OTOG: variants seen among roughly 807,000 people sequenced by gnomAD.
OTOG encodes the protein otogelin.
Under a neutral mutation model 313.8 loss-of-function variants are expected in OTOG, and 296 were observed. That is an observed-to-expected ratio of 0.94 (90% CI 0.86 to 1.04). The LOEUF is 1.04. Ranked by LOEUF, OTOG falls within the 50% of genes least tolerant of loss-of-function variation. OTOG has a pLI of 0.00. For synonymous variants in OTOG, 1,533 were observed against 1,554.9 expected, an observed-to-expected ratio of 0.99 and a Z score of 0.33; for missense variants, 3,948 against 3,840.1, an observed-to-expected ratio of 1.03 and a Z score of -0.74.
Position 17,557,283 on chromosome 11 carries a change from C to A in OTOG, c.825C>A (p.Asn275Lys). 6.5e-7 allele frequency: 1 copy of A among 1,550,362 alleles called. No homozygotes were observed. Among genetic ancestry groups the A allele is most frequent in the Non-Finnish European group, 8.7e-7 (1 of 1,146,940 alleles). ...LLGWTHGLCG[N>K]NNADPKDDLV... ...GCTGGACCCATGGGCTGTGTGGGAA[C>A]AACAATGCTGACCCCAAGGATGATC... The change falls in exon 8 of 56, where the codon AAC (asparagine) becomes AAA (lysine). Residue 275 changes from asparagine to lysine, a missense_variant. Asn to Lys is a moderately conservative substitution (Grantham distance 94). Coordinates refer to ENST00000399397, the MANE Select transcript of OTOG (RefSeq NM_001292063.2).
chr11:17,551,722 A>G (rs1851936692), intron 3 of OTOG, among the ~76,000 whole-genome samples: 1 of 151,864 alleles, frequency 6.6e-6, no homozygotes, highest in African/African-American at 2.4e-5. Context: ...CATGGAGGGG[A>G]GGGGCTGTGT....
chr11:17,573,360 T>C, intron 19 of OTOG, 70 bp downstream of exon 19: 1 of 1,427,558 alleles, frequency 7.0e-7, no homozygotes, highest in African/African-American at 1.4e-5. Context: ...CCCCTGCCCC[T>C]GAAAGTCTCC....
rs1319111806 is a variant in OTOG at position 17,586,549 on chromosome 11, T to TG, written c.2839dup (p.Asp947GlyfsTer40). On this transcript the variant is annotated frameshift_variant, in exon 24 of 56. Coordinates refer to ENST00000399397, the MANE Select transcript of OTOG (RefSeq NM_001292063.2). LOFTEE classifies it high-confidence loss of function. ...CTTGGAAGGGGAAGGAGTATTTCCC[T>TG]GGGGACCAGGTGATGTCTCCTTGCC... 71 of 1,433,238 alleles carry TG rather than the reference T, an allele frequency of 5.0e-5. No individual in the cohort carries two copies. The highest frequency in any genetic ancestry group is 6.3e-5 in the Non-Finnish European group (69 of 1,088,910). The allele number at this position is 1,433,238 out of a possible 1,614,324, so 88.8% of individuals were successfully genotyped here. A position where few individuals can be genotyped will look rare whatever the true frequency, so the allele number is the denominator to read the frequency against.
At chr11:17,594,468 C>T (rs1388354045) in intron 28 of OTOG, among the ~76,000 whole-genome samples, 1 of 152,158 alleles carries the variant, frequency 6.6e-6, no homozygotes, top group Non-Finnish European at 1.5e-5. Context: ...TGATGCTTCC[C>T]AGTGCCTGGC....
Position 17,634,160 on chromosome 11 carries a change from A to G in OTOG, c.7359A>G (p.Pro2453=). 4 of 1,550,072 alleles carry G rather than the reference A, an allele frequency of 2.6e-6. No individual in the cohort carries two copies. The highest frequency in any genetic ancestry group is 3.5e-6 in the Non-Finnish European group (4 of 1,146,932). The change falls in exon 44 of 56, where the codon CCA becomes CCG. Residue 2453 remains proline, a synonymous_variant. Coordinates refer to ENST00000399397, the MANE Select transcript of OTOG (RefSeq NM_001292063.2). ...SGCCQHQCQA[P]DTIVPVDLGC... Reference sequence around the variant, plus strand: ...GCTGCCAGCACCAGTGCCAAGCCCCAGACACCATTGTCCCGGTGGATCTGG... The same window carrying G: ...GCTGCCAGCACCAGTGCCAAGCCCCGGACACCATTGTCCCGGTGGATCTGG...
At position 17,599,607 on chromosome 11, in the gene OTOG, G is replaced by T. The variant is rs1316393195; in HGVS notation, c.3683-64G>T. 3.9e-6 allele frequency: 6 copies of T among 1,528,866 alleles called. No homozygotes were observed. The East Asian group carries it at 1.2e-4, about 31-fold the overall frequency. 94.7% of individuals were successfully genotyped at this position (1,528,866 alleles called of 1,614,324 possible). ...GGAGGCTGGGATGCTGGGAGCCTTG[G>T]CTCTGTCTGTCTGTTCCAGGCTCTG... On this transcript the variant is annotated intron_variant, in intron 30 of 55. Coordinates refer to ENST00000399397, the MANE Select transcript of OTOG (RefSeq NM_001292063.2).
intron 47 of OTOG, among the ~76,000 whole-genome samples, chr11:17,636,731 G>A (rs1024827410): frequency 4.6e-5 from 7 of 151,178 alleles, no homozygotes; most frequent in South Asian, 2.1e-4. Context: ...CTGTATTCAC[G>A]TTTCTTTCCA....
chr11:17,629,043 G>A (rs933280117), intron 39 of OTOG, 90 bp from the exon 40 acceptor site: 8 of 1,273,934 alleles, frequency 6.3e-6, no homozygotes, highest in Non-Finnish European at 8.7e-6. Context: ...TGGATGGATG[G>A]ATGGATGAAT....
In OTOG at chr11:17,629,104, G is replaced by T. The variant is rs1281463056; in HGVS notation, c.6529-29G>T. On this transcript the variant is annotated intron_variant, in intron 39 of 55. Coordinates refer to ENST00000399397, the MANE Select transcript of OTOG (RefSeq NM_001292063.2). The stretch of plus-strand genomic sequence containing the variant: ...GATGGATGAATGAATGGATGGACAA[G>T]CTGTGCTCACACTGAATTCCCTCCC... The T allele has an allele frequency of 7.1e-6, 11 of 1,540,130 alleles. No individual in the cohort carries two copies. The South Asian group carries it at 1.2e-4, about 17-fold the overall frequency.
chr11:17,636,169 CT>C (rs970118800), intron 47 of OTOG, among the ~76,000 whole-genome samples: 1 of 152,140 alleles, frequency 6.6e-6, no homozygotes, highest in African/African-American at 2.4e-5. Flanking sequence ...TAAAAGTATG[CT>C]TTTTCCAATA....
chr11:17,641,965 T>G lies in OTOG; in HGVS notation c.8295+14T>G. On this transcript the variant is annotated intron_variant, in intron 52 of 55. Coordinates refer to ENST00000399397, the MANE Select transcript of OTOG (RefSeq NM_001292063.2). ...TCCCTGTTCTTGGTAAGCAGCCCCC[T>G]CGCTGCCCACTTAGGAGGGTGTCCC... 1 of 1,548,174 alleles carries G rather than the reference T, an allele frequency of 6.5e-7. No individual in the cohort carries two copies. The highest frequency in any genetic ancestry group is 8.7e-7 in the Non-Finnish European group (1 of 1,145,426).
Position 17,558,629 on chromosome 11 carries a change from C to G in OTOG, c.1088C>G (p.Thr363Ser). ...VSPLPFTASC[T>S]SDLCQSMGDV... ...CCTCTGCCCTTCACAGCCAGTTGTA[C>G]CAGTGATCTCTGCCAGTGAGTAGGG... The change falls in exon 10 of 56, where the codon ACC becomes AGC. Residue 363 changes from threonine (T) to serine (S), a missense_variant. Physicochemically the swap from Thr to Ser is moderately conservative, Grantham distance 58. Transcript: ENST00000399397. 6.5e-7 allele frequency: 1 copy of G among 1,550,006 alleles called. No individual in the cohort carries two copies. The highest frequency in any genetic ancestry group is 1.4e-5 in the African/African-American group (1 of 73,188).
At chr11:17,643,624 G>T (rs1454684320) in intron 54 of OTOG, 118 bp downstream of exon 54, 1 of 690,332 alleles carries the variant, frequency 1.4e-6, no homozygotes, top group Non-Finnish European at 2.1e-6. Context: ...GCTCTTCTGG[G>T]CTGAGTAGAT....
chr11:17,570,407 C>A lies in OTOG; in HGVS notation c.1955+17C>A. On this transcript the variant is annotated intron_variant, in intron 17 of 55. Coordinates refer to ENST00000399397, the MANE Select transcript of OTOG (RefSeq NM_001292063.2). ...TGACTTCCTGTACGTAGCCCTGCCA[C>A]GGAACCCGAAGAAGAGGGGAAATGG... is the stretch of plus-strand genomic sequence containing the variant. The A allele has an allele frequency of 6.5e-7, 1 of 1,549,176 alleles. No homozygotes were observed. Among genetic ancestry groups the A allele is most frequent in the South Asian group, 1.2e-5 (1 of 83,944 alleles).
intron 54 of OTOG, 117 bp from the exon 55 acceptor site, chr11:17,645,447 G>A: frequency 1.1e-6 from 1 of 922,128 alleles, no homozygotes. Context: ...ATGCATGGGT[G>A]CTAATGCTGG....
intron 34 of OTOG, 35 bp downstream of exon 34, chr11:17,608,448 G>A (rs1434895752): frequency 9.2e-6 from 13 of 1,409,898 alleles, no homozygotes; most frequent in Non-Finnish European, 1.1e-5. Context: ...TGGAGCCAAG[G>A]TGTGTGCACT....
rs16934433 is a variant in OTOG at position 17,587,226 on chromosome 11, T to C, written c.2867+645T>C. ...TTGTTTAGTAATGTAAGTGTGCATA[T>C]GTGGGAGTGTGTGCCCCTGGATTGG... On this transcript the variant is annotated intron_variant, in intron 24 of 55. Transcript: ENST00000399397. 5.8e-3 allele frequency among the ~76,000 whole-genome samples: 881 copies of C among 152,324 alleles called. 34 individuals carry two copies. In the East Asian group the frequency reaches 0.098, roughly 17 times the overall value.
chr11:17,593,909 G>A, intron 27 of OTOG, 138 bp from the exon 28 acceptor site: 1 of 1,396,748 alleles, frequency 7.2e-7, no homozygotes. Context: ...CTCTGACATT[G>A]CTCCATCCCT....
chr11:17,608,485 T>A, intron 34 of OTOG, 72 bp downstream of exon 34: 8 of 986,872 alleles, frequency 8.1e-6, no homozygotes, highest in Middle Eastern at 2.4e-4. Context: ...CACATACACT[T>A]GTGTATGAGT....
Sources: gnomAD v4.1 joint callset for allele counts (sites outside exome capture counted in the v4.1 genomes callset) on GRCh38, gnomAD v4.1.1 for gene constraint, MANE v1.5 for transcripts, NCBI Gene and HGNC (gene_info 2026-07-23, HGNC 2026-07-21) for gene names.